MTMR10: variants seen among roughly 807,000 people sequenced by gnomAD.
The protein encoded by MTMR10 is myotubularin related protein 10.
A neutral mutation model predicts 88.1 loss-of-function variants in MTMR10; 56 were observed. The ratio of observed to expected loss-of-function variants is 0.64; its 90% CI spans 0.51 to 0.79. The LOEUF (loss-of-function observed/expected upper bound fraction) is 0.79, where lower values mean the gene tolerates loss of function less well. MTMR10 is among the 30% of genes least tolerant of loss of function. The pLI, the probability that MTMR10 is intolerant of heterozygous loss-of-function variation, is 0.00. For synonymous variants in MTMR10, 380 were observed against 340.9 expected, an observed-to-expected ratio of 1.11 and a Z score of -1.26; for missense variants, 883 against 924.7, an observed-to-expected ratio of 0.95 and a Z score of 0.58.
At chr15:30,969,739 A>G (rs2063515254) in intron 5 of MTMR10, among the ~76,000 whole-genome samples, 1 of 152,114 alleles carries the variant, frequency 6.6e-6, no homozygotes, top group Non-Finnish European at 1.5e-5. Context: ...TTGATTCTTC[A>G]CAAAACTGGC....
chr15:30,974,442 T>C lies in MTMR10; in HGVS notation c.346A>G (p.Arg116Gly). 6.5e-7 allele frequency: 1 copy of C among 1,544,162 alleles called. No individual in the cohort carries two copies. Among genetic ancestry groups the C allele is most frequent in the East Asian group, 2.3e-5 (1 of 43,648 alleles). Residue 116 changes from arginine to glycine, a missense_variant, in exon 5 of 16, where the codon AGG (arginine) becomes GGG (glycine). Transcript: ENST00000435680. The stretch of plus-strand genomic sequence containing the variant: ...TTGGGGCCTAGGACTTTCTGCTTCC[T>C]CTTGTGGTCGTTTACTAAAAAAGAA... Reference protein sequence around the residue: ...EQIVTVNDHKRKQKVLGPNQK... With the variant: ...EQIVTVNDHKGKQKVLGPNQK...
chr15:30,949,621 A>C (rs570148604), intron 12 of MTMR10: 70 of 152,308 alleles, frequency 4.6e-4, no homozygotes, highest in African/African-American at 1.7e-3. Context: ...AACAAAATAA[A>C]TATAAGACTT....
chr15:30,967,230 C>T (rs372887885), intron 6 of MTMR10, among the ~76,000 whole-genome samples: 7 of 152,042 alleles, frequency 4.6e-5, no homozygotes, highest in African/African-American at 7.2e-5. Context: ...ACAGGAGACA[C>T]GGCTCTTTGT....
Position 30,939,822 on chromosome 15 carries a change from G to GA in MTMR10, c.*1647_*1648insT. On this transcript the variant is annotated 3_prime_UTR_variant, in exon 16 of 16. Transcript: ENST00000435680. ...GAGATTGGGTCTGGTTTCTAATCAA[G>GA]GACTGTAAAATGTTTAATAATTCTA... 1 of 985,198 alleles carries GA rather than the reference G, an allele frequency of 1.0e-6. No homozygotes were observed. The highest frequency in any genetic ancestry group is 1.2e-6 in the Non-Finnish European group (1 of 829,736). The allele number at this position is 985,198 out of a possible 1,614,324, so 61.0% of individuals were successfully genotyped here. A position where few individuals can be genotyped will look rare whatever the true frequency, so the allele number is the denominator to read the frequency against.
intron 2 of MTMR10, among the ~76,000 whole-genome samples, chr15:30,987,025 T>G (rs1221093718): frequency 6.6e-6 from 1 of 152,134 alleles, no homozygotes; most frequent in Admixed American, 6.5e-5. Flanking sequence ...AGTATTGGAG[T>G]GATTTTACAC....
chr15:30,949,154 C>T (rs575221559), intron 12 of MTMR10: 2 of 152,344 alleles, frequency 1.3e-5, no homozygotes, highest in Non-Finnish European at 2.9e-5. Flanking sequence ...GAAAAAGCAT[C>T]TGATACAATT....
At chr15:30,969,242 T>G (rs1041094475) in intron 5 of MTMR10, among the ~76,000 whole-genome samples, 1 of 152,030 alleles carries the variant, frequency 6.6e-6, no homozygotes, top group Non-Finnish European at 1.5e-5. Context: ...GGACAGAATT[T>G]GTCATTAGTT....
At chr15:30,979,826 T>A (rs544945509) in intron 2 of MTMR10, among the ~76,000 whole-genome samples, 2 of 152,206 alleles carry the variant, frequency 1.3e-5, no homozygotes, top group Admixed American at 1.3e-4. Context: ...AGGAGGAGAA[T>A]ATACTTAATG....
In MTMR10 at chr15:30,958,937, G is replaced by A; in HGVS notation, c.861C>T (p.Ser287=). ...GCACAAGAGCACTGCCGTTAGAGTGGCTCCAGCACCAGAGCTAGGGGAGAG... is the reference window on the plus strand; with the variant it reads ...GCACAAGAGCACTGCCGTTAGAGTGACTCCAGCACCAGAGCTAGGGGAGAG... ...VGRRMPLWCW[S]HSNGSALVRM... is the part of the protein sequence containing the mutation. The change falls in exon 9 of 16, where the codon AGC becomes AGT. Residue 287 remains serine (S), a synonymous_variant. Coordinates refer to ENST00000435680, the MANE Select transcript of MTMR10 (RefSeq NM_017762.3). 1 of 1,614,006 alleles carries A rather than the reference G, an allele frequency of 6.2e-7. No homozygotes were observed. The highest frequency in any genetic ancestry group is 8.5e-7 in the Non-Finnish European group (1 of 1,179,892).
chr15:30,925,365 G>C, the MTMR10 span: 1 of 1,352,712 alleles, frequency 7.4e-7, no homozygotes, highest in Non-Finnish European at 1.0e-6. Flanking sequence ...AGCATCCTAA[G>C]AGCTGTTTTG....
the MTMR10 span, chr15:30,926,013 AGTGG>A: frequency 4.1e-6 from 6 of 1,475,756 alleles, no homozygotes; most frequent in Non-Finnish European, 5.6e-6. Context: ...GGCTGTCAGC[AGTGG>A]GCTGCTGTCC....
chr15:30,945,371 A>C (rs1473154440), intron 14 of MTMR10, among the ~76,000 whole-genome samples: 1 of 152,186 alleles, frequency 6.6e-6, no homozygotes, highest in Non-Finnish European at 1.5e-5. Context: ...CCCTCAATAC[A>C]ATTCAGTAAT....
chr15:30,935,808 C>T (rs2062836393), downstream of MTMR10, among the ~76,000 whole-genome samples: 1 of 152,188 alleles, frequency 6.6e-6, no homozygotes. Flanking sequence ...CTACTGTCTT[C>T]TAACTAGCAT....
chr15:30,942,476 C>A, intron 15 of MTMR10: 1 of 257,016 alleles, frequency 3.9e-6, no homozygotes, highest in Non-Finnish European at 7.3e-6. Context: ...AAATTTTCTA[C>A]CAAAAAAAAT....
intron 14 of MTMR10, 152 bp from the exon 15 acceptor site, chr15:30,943,224 A>AGTCT (rs2063110551): frequency 1.4e-6 from 2 of 1,399,888 alleles, no homozygotes; most frequent in East Asian, 2.6e-5. Context: ...AAGAGAGGAG[A>AGTCT]CGCTCCTGGC....
intron 6 of MTMR10, among the ~76,000 whole-genome samples, chr15:30,967,389 G>C (rs1009601977): frequency 2.0e-5 from 3 of 152,106 alleles, no homozygotes; most frequent in African/African-American, 4.8e-5. Context: ...TTTCACAAAA[G>C]CTGTCTAGAA....
chr15:30,952,530 A>G (rs2063263570), intron 11 of MTMR10, among the ~76,000 whole-genome samples: 1 of 151,610 alleles, frequency 6.6e-6, no homozygotes, highest in Non-Finnish European at 1.5e-5. Flanking sequence ...ATGCCTGCCT[A>G]GTTTTAAAAT....
chr15:30,929,784 TC>T, the MTMR10 span, among the ~76,000 whole-genome samples: 1 of 52,532 alleles, frequency 1.9e-5, no homozygotes, highest in African/African-American at 9.4e-5. Context: ...ATATATTATA[TC>T]ATATATAATA....
chr15:30,926,926 C>A, the MTMR10 span: 2 of 985,350 alleles, frequency 2.0e-6, no homozygotes, highest in African/African-American at 3.5e-5. Context: ...TGTGTCAGAG[C>A]GATCTCAACC....
Sources: gnomAD v4.1 joint callset for allele counts (sites outside exome capture counted in the v4.1 genomes callset) on GRCh38, gnomAD v4.1.1 for gene constraint, MANE v1.5 for transcripts, NCBI Gene and HGNC (gene_info 2026-07-23, HGNC 2026-07-21) for gene names.